SNPH: variants seen among roughly 807,000 people sequenced by gnomAD.
SNPH encodes syntaphilin.
A neutral mutation model predicts 36.8 loss-of-function variants in SNPH; 10 were observed. That is an observed-to-expected ratio of 0.27 (90% CI 0.17 to 0.46). The LOEUF (loss-of-function observed/expected upper bound fraction) is 0.46. Among genes scored for constraint, SNPH ranks in the 20% least tolerant of loss-of-function variants. The pLI, the probability that SNPH is intolerant of heterozygous loss-of-function variation, is 1.00. For missense variants in SNPH, 622 were observed against 744.0 expected (o/e 0.84, Z 1.91); for synonymous variants, 281 against 312.2 (o/e 0.90, Z 1.05).
chr20:1,298,494 A>C (rs1568548854), intron 5 of SNPH, among the ~76,000 whole-genome samples: 1 of 152,208 alleles, frequency 6.6e-6, no homozygotes, highest in Non-Finnish European at 1.5e-5. Flanking sequence ...CCTGGCTGTA[A>C]CACCACCCCA....
intron 2 of SNPH, among the ~76,000 whole-genome samples, chr20:1,281,225 A>C (rs6033304): frequency 0.12 from 17,575 of 151,950 alleles, 3,446 homozygotes; most frequent in African/African-American, 0.4. Flanking sequence ...AGCCACCTTT[A>C]CTTCTGTCAC....
chr20:1,308,095 C>T lies in SNPH; in HGVS notation c.*2041C>T, dbSNP rs2088605175. ...CTGGAATTTAGTCAAGCTTCAGGCCCCTCTGCTCCTGTCTGTGTCTTGCGT... is the reference window on the plus strand; with the variant it reads ...CTGGAATTTAGTCAAGCTTCAGGCCTCTCTGCTCCTGTCTGTGTCTTGCGT... On this transcript the variant is annotated 3_prime_UTR_variant, in exon 7 of 7. Transcript: ENST00000381867. The T allele has an allele frequency of 6.5e-6, 1 of 152,722 alleles. No homozygotes were observed. The highest frequency in any genetic ancestry group is 6.5e-5 in the Admixed American group (1 of 15,286). The allele number at this position is 152,722 out of a possible 1,614,324, so 9.5% of individuals were successfully genotyped here.
Position 1,305,107 on chromosome 20 carries a change from CT to C in SNPH, c.671del (p.Leu224ArgfsTer39), listed in dbSNP as rs1224990392. ...INIQNKKLET[L>X]LHSMEVAQNG... ...CATCCAGAACAAGAAGCTGGAGACG[CT>C]GCTGCACAGCATGGAGGTGGCCCAG... On this transcript the variant is annotated frameshift_variant, in exon 7 of 7. Coordinates refer to ENST00000381867, the MANE Select transcript of SNPH (RefSeq NM_001318234.2). LOFTEE classifies it high-confidence loss of function. The C allele has an allele frequency of 6.2e-7, 1 of 1,613,942 alleles. No individual in the cohort carries two copies. Among genetic ancestry groups the C allele is most frequent in the South Asian group, 1.1e-5 (1 of 91,084 alleles).
In SNPH at chr20:1,266,850, C is replaced by T. The variant is rs2088012260; in HGVS notation, c.-493+90C>T. The T allele has an allele frequency of 7.7e-7, 1 of 1,295,924 alleles. No homozygotes were observed. The highest frequency in any genetic ancestry group is 1.6e-5 in the African/African-American group (1 of 64,474). 80.3% of individuals were successfully genotyped at this position (1,295,924 alleles called of 1,614,324 possible). A position where few individuals can be genotyped will look rare whatever the true frequency, so the allele number is the denominator to read the frequency against. On this transcript the variant is annotated intron_variant, in intron 2 of 6. Coordinates refer to ENST00000381867, the MANE Select transcript of SNPH (RefSeq NM_001318234.2). This position sits in a 1 kb window ranked among gnomAD's most constrained non-coding sequence, Gnocchi z 6.0. ...TGCAACCGCTCGCTGCGGTAGAATC[C>T]CTTGGAGGGCACCAGCCTAAGAGGG...
At chr20:1,302,629 C>T (rs893068601) in intron 6 of SNPH, among the ~76,000 whole-genome samples, 35 of 152,168 alleles carry the variant, frequency 2.3e-4, no homozygotes, top group Non-Finnish European at 4.6e-4. Context: ...GCAATCACCG[C>T]CAGTTTCTCT....
intron 2 of SNPH, among the ~76,000 whole-genome samples, chr20:1,277,624 C>CTG (rs59375718): frequency 0.84 from 102,804 of 123,114 alleles, 42,606 homozygotes; most frequent in East Asian, 0.95. Context: ...GTATGTGTGC[C>CTG]TGTGTGTGTG....
chr20:1,307,639 A>C lies in SNPH; in HGVS notation c.*1585A>C, dbSNP rs2088597636. On this transcript the variant is annotated 3_prime_UTR_variant, in exon 7 of 7. Transcript: ENST00000381867. Reference sequence around the variant, plus strand: ...TGCTCCAACAGCCATTGCCTAACTCATGGGCTCTGCCCTTCTGCTCGGTGC... The same window carrying C: ...TGCTCCAACAGCCATTGCCTAACTCCTGGGCTCTGCCCTTCTGCTCGGTGC... 6.6e-6 allele frequency: 1 copy of C among 152,584 alleles called. No individual in the cohort carries two copies. 9.5% of individuals were successfully genotyped at this position (152,584 alleles called of 1,614,324 possible).
In SNPH at chr20:1,306,178, T is replaced by A; in HGVS notation, c.*124T>A. ...GTTTTGGGTGTGGAACTGTTTCTTT[T>A]TTTCAAGATGTTAAAACAGTCCCGT... On this transcript the variant is annotated 3_prime_UTR_variant, in exon 7 of 7. Coordinates refer to ENST00000381867, the MANE Select transcript of SNPH (RefSeq NM_001318234.2). 1 of 864,924 alleles carries A rather than the reference T, an allele frequency of 1.2e-6. No homozygotes were observed. The highest frequency in any genetic ancestry group is 3.1e-5 in the East Asian group (1 of 31,978). The allele number at this position is 864,924 out of a possible 1,614,324, so 53.6% of individuals were successfully genotyped here. A position where few individuals can be genotyped will look rare whatever the true frequency, so the allele number is the denominator to read the frequency against.
chr20:1,277,893 GTGTA>G (rs1158957268), intron 2 of SNPH, among the ~76,000 whole-genome samples: 1 of 141,458 alleles, frequency 7.1e-6, no homozygotes, highest in African/African-American at 2.5e-5. Flanking sequence ...CGATGTGTCT[GTGTA>G]TGTATCTGTG....
In SNPH at chr20:1,266,434, G is replaced by T. The variant is rs2088004685; in HGVS notation, c.-600+37G>T. 2 of 555,804 alleles carry T rather than the reference G, an allele frequency of 3.6e-6. No individual in the cohort carries two copies. Among genetic ancestry groups the T allele is most frequent in the Non-Finnish European group, 5.7e-6 (2 of 349,336 alleles). 34.4% of individuals were successfully genotyped at this position (555,804 alleles called of 1,614,324 possible). ...GACCCCGGGGATCTCCGGGCCCACC[G>T]CCCAGCTGCACCCGCCGCAGTCCAG... is the stretch of plus-strand genomic sequence containing the variant. On this transcript the variant is annotated intron_variant, in intron 1 of 6. Transcript: ENST00000381867. This position sits in a 1 kb window ranked among gnomAD's most constrained non-coding sequence, Gnocchi z 6.0.
chr20:1,290,910 C>T (rs981306750), intron 2 of SNPH, among the ~76,000 whole-genome samples: 1 of 152,224 alleles, frequency 6.6e-6, no homozygotes, highest in Non-Finnish European at 1.5e-5. Flanking sequence ...AACAATATCT[C>T]ATTGTGGAAA....
Position 1,296,328 on chromosome 20 carries a change from CCG to C in SNPH, c.90_91del (p.Gly31AspfsTer22), listed in dbSNP as rs1291848576. 6.3e-7 allele frequency: 1 copy of C among 1,596,980 alleles called. No individual in the cohort carries two copies. On this transcript the variant is annotated frameshift_variant, in exon 4 of 7. Transcript: ENST00000381867. LOFTEE classifies it high-confidence loss of function. ...CCAACCCGCCCTCTCTCCTCAGCCCCCGGGATACCGCCCATCCCACCCCTTAC... is the reference window on the plus strand; with the variant it reads ...CCAACCCGCCCTCTCTCCTCAGCCCCGGATACCGCCCATCCCACCCCTTAC...
In SNPH at chr20:1,296,218, C is replaced by T; in HGVS notation, c.-22C>T. On this transcript the variant is annotated 5_prime_UTR_variant, in exon 4 of 7. Coordinates refer to ENST00000381867, the MANE Select transcript of SNPH (RefSeq NM_001318234.2). ...AGGCCCTCGCTCCTGGGGTGTCCTG[C>T]CGAAGGGTGAGAAGAGAAGCCATGC... 6.7e-7 allele frequency: 1 copy of T among 1,501,252 alleles called. No individual in the cohort carries two copies. 93.0% of individuals were successfully genotyped at this position (1,501,252 alleles called of 1,614,324 possible). A position where few individuals can be genotyped will look rare whatever the true frequency, so the allele number is the denominator to read the frequency against.
rs189507372 is a variant in SNPH, at chr20:1,304,055, G to A, written c.441-823G>A. ...GCACCCCTGGATTCATCTGTGACTC[G>A]GGAATTTGAAAAGCCTGAGCATTTC... is the stretch of plus-strand genomic sequence containing the variant. On this transcript the variant is annotated intron_variant, in intron 6 of 6. Coordinates refer to ENST00000381867, the MANE Select transcript of SNPH (RefSeq NM_001318234.2). The surrounding 1 kb of genome is among the most constrained non-coding windows in gnomAD (Gnocchi z 4.3). Among the ~76,000 whole-genome samples the A allele has an allele frequency of 1.2e-4, 18 of 152,202 alleles. No homozygotes were observed. In the East Asian group the frequency reaches 2.3e-3, roughly 20 times the overall value.
chr20:1,277,648 GTGTC>G (rs2088152979), intron 2 of SNPH, among the ~76,000 whole-genome samples: 3 of 149,232 alleles, frequency 2.0e-5, no homozygotes, highest in Middle Eastern at 3.5e-3. Flanking sequence ...CTGTGCCTGT[GTGTC>G]TGTGTATCTG....
At chr20:1,278,009 T>C (rs898461793) in intron 2 of SNPH, among the ~76,000 whole-genome samples, 4 of 150,744 alleles carry the variant, frequency 2.7e-5, no homozygotes, top group Non-Finnish European at 5.9e-5. Flanking sequence ...TCTGTGTGTG[T>C]GTCAGTGTCT....
At position 1,306,185 on chromosome 20, in the gene SNPH, G is replaced by A; in HGVS notation, c.*131G>A. On this transcript the variant is annotated 3_prime_UTR_variant, in exon 7 of 7. Coordinates refer to ENST00000381867, the MANE Select transcript of SNPH (RefSeq NM_001318234.2). The stretch of plus-strand genomic sequence containing the variant: ...GTGTGGAACTGTTTCTTTTTTTCAA[G>A]ATGTTAAAACAGTCCCGTGGAAGGA... 1 of 837,146 alleles carries A rather than the reference G, an allele frequency of 1.2e-6. No individual in the cohort carries two copies. 51.9% of individuals were successfully genotyped at this position (837,146 alleles called of 1,614,324 possible). A position where few individuals can be genotyped will look rare whatever the true frequency, so the allele number is the denominator to read the frequency against.
At chr20:1,291,798 A>G (rs1485770615) in intron 2 of SNPH, among the ~76,000 whole-genome samples, 2 of 152,254 alleles carry the variant, frequency 1.3e-5, no homozygotes. Flanking sequence ...TAGTACATAC[A>G]GGGACTTTTG....
At position 1,276,214 on chromosome 20, in the gene SNPH, C is replaced by T. The variant is rs1000045395; in HGVS notation, c.-493+9454C>T. ...GCTTCCTTCTGGAGAGCCCCTTCCC[C>T]CTCCACAGGAGGGGGGCTCCTCACT... On this transcript the variant is annotated intron_variant, in intron 2 of 6. Transcript: ENST00000381867. This position sits in a 1 kb window ranked among gnomAD's most constrained non-coding sequence, Gnocchi z 4.6. Among the ~76,000 whole-genome samples, 1 of 151,158 alleles carries T rather than the reference C, an allele frequency of 6.6e-6. No homozygotes were observed. The highest frequency in any genetic ancestry group is 1.5e-5 in the Non-Finnish European group (1 of 67,530).
Sources: allele counts gnomAD v4.1 joint callset (sites outside exome capture counted in the v4.1 genomes callset), GRCh38; gene constraint gnomAD v4.1.1; non-coding constraint Gnocchi (gnomAD v3.1); transcripts MANE v1.5; gene names NCBI Gene and HGNC (gene_info 2026-07-23, HGNC 2026-07-21).